Variants in PDGFC observed in about 807,000 individuals in gnomAD.
PDGFC encodes the protein platelet-derived growth factor C.
A neutral mutation model predicts 35.5 loss-of-function variants in PDGFC; 12 were observed. The ratio of observed to expected loss-of-function variants is 0.34; its 90% CI spans 0.22 to 0.55. The LOEUF (loss-of-function observed/expected upper bound fraction) is 0.55, where lower values mean the gene tolerates loss of function less well. Ranked by LOEUF, PDGFC falls within the 20% of genes least tolerant of loss-of-function variation. PDGFC has a pLI of 0.91. For synonymous variants in PDGFC, 159 were observed against 148.8 expected (o/e 1.07, Z -0.50); for missense variants, 322 against 412.4 (o/e 0.78, Z 1.90).
chr4:156,881,941 G>A (rs1730253980), intron 1 of PDGFC, among the ~76,000 whole-genome samples: 1 of 151,750 alleles, frequency 6.6e-6, no homozygotes, highest in African/African-American at 2.4e-5. Flanking sequence ...ATGATAGTGA[G>A]GCCTCCCCAG....
chr4:156,948,551 T>C (rs1732002204), intron 1 of PDGFC, among the ~76,000 whole-genome samples: 1 of 152,014 alleles, frequency 6.6e-6, no homozygotes, highest in South Asian at 2.1e-4. Context: ...ATGCTATTTG[T>C]ATTTGCCTTC....
At chr4:156,815,323 T>TACACACACAC (rs3042796) in intron 2 of PDGFC, among the ~76,000 whole-genome samples, 2 of 145,098 alleles carry the variant, frequency 1.4e-5, no homozygotes, top group South Asian at 2.2e-4. Flanking sequence ...AATAATTTTT[T>TACACACACAC]ACACACACAC....
At chr4:156,933,408 G>A (rs574959677) in intron 1 of PDGFC, among the ~76,000 whole-genome samples, 2 of 152,312 alleles carry the variant, frequency 1.3e-5, no homozygotes, top group East Asian at 3.9e-4. Context: ...AAAACTTTAA[G>A]TCACCCAAGA....
In PDGFC at chr4:156,897,563, T is replaced by C. The variant is rs116739354; in HGVS notation, c.119-47147A>G. ...GGACAGAGGCTGATGCAAAATTATA[T>C]ATATTTTTTTCTACATTAAAAATGA... is the stretch of plus-strand genomic sequence containing the variant. On this transcript the variant is annotated intron_variant, in intron 1 of 5. Coordinates refer to ENST00000502773, the MANE Select transcript of PDGFC (RefSeq NM_016205.3). Among the ~76,000 whole-genome samples the C allele has an allele frequency of 6.7e-3, 1,023 of 152,286 alleles. 5 individuals carry two copies. The highest frequency in any genetic ancestry group is 0.01 in the Middle Eastern group (3 of 294).
In PDGFC at chr4:156,760,912, T is replaced by C. The variant is rs1486527619; in HGVS notation, c.*2178A>G. 1.3e-5 allele frequency: 2 copies of C among 152,186 alleles called. No homozygotes were observed. Among genetic ancestry groups the C allele is most frequent in the African/African-American group, 2.4e-5 (1 of 41,444 alleles). 9.4% of individuals were successfully genotyped at this position (152,186 alleles called of 1,614,324 possible). On this transcript the variant is annotated 3_prime_UTR_variant, in exon 6 of 6. Transcript: ENST00000502773. ...CTAATGAAAGTTGTAAACTGCCAACTACTTACTACGTTGCATATTCCATAT... is the reference window on the plus strand; with the variant it reads ...CTAATGAAAGTTGTAAACTGCCAACCACTTACTACGTTGCATATTCCATAT...
chr4:156,884,105 G>T (rs2111177821), intron 1 of PDGFC, among the ~76,000 whole-genome samples: 1 of 152,314 alleles, frequency 6.6e-6, no homozygotes, highest in African/African-American at 2.4e-5. Context: ...ATGCCTCCAA[G>T]AAGGAAAGCT....
At chr4:156,962,590 A>G (rs1732368190) in intron 1 of PDGFC, among the ~76,000 whole-genome samples, 1 of 152,180 alleles carries the variant, frequency 6.6e-6, no homozygotes, top group Non-Finnish European at 1.5e-5. Context: ...CTTAGCAAAG[A>G]GCAGATGCTC....
intron 2 of PDGFC, among the ~76,000 whole-genome samples, chr4:156,837,714 G>T (rs1253866916): frequency 6.6e-6 from 1 of 152,138 alleles, no homozygotes; most frequent in East Asian, 1.9e-4. Flanking sequence ...GCTAGAGAAA[G>T]AAAGCTAGAG....
intron 1 of PDGFC, among the ~76,000 whole-genome samples, chr4:156,925,803 C>T (rs1353734493): frequency 6.6e-6 from 1 of 150,512 alleles, no homozygotes; most frequent in African/African-American, 2.4e-5. Flanking sequence ...GTAACTCCAA[C>T]GCTTTGGGAG....
chr4:156,912,098 C>A (rs1731053142), intron 1 of PDGFC, among the ~76,000 whole-genome samples: 1 of 152,080 alleles, frequency 6.6e-6, no homozygotes. Context: ...TAGTTTAGAA[C>A]TTACACGATG....
chr4:156,963,172 A>G (rs532137029), intron 1 of PDGFC, among the ~76,000 whole-genome samples: 1 of 152,246 alleles, frequency 6.6e-6, no homozygotes, highest in East Asian at 1.9e-4. Context: ...CTACTAGTCT[A>G]AAGAAAAAAA....
chr4:156,886,416 C>G (rs1730377450), intron 1 of PDGFC, among the ~76,000 whole-genome samples: 1 of 152,180 alleles, frequency 6.6e-6, no homozygotes, highest in Admixed American at 6.5e-5. Flanking sequence ...TATTTTTTAA[C>G]TGTGTGCTTA....
At chr4:156,814,428 A>G (rs1269798101) in intron 2 of PDGFC, among the ~76,000 whole-genome samples, 1 of 152,156 alleles carries the variant, frequency 6.6e-6, no homozygotes, top group Non-Finnish European at 1.5e-5. Context: ...CACCTGAAGC[A>G]GGAGTGGTCA....
chr4:156,971,690 A>G lies in PDGFC; in HGVS notation c.-787T>C, dbSNP rs1014333974. Among the ~76,000 whole-genome samples, 1 of 151,820 alleles carries G rather than the reference A, an allele frequency of 6.6e-6. No homozygotes were observed. Among genetic ancestry groups the G allele is most frequent in the African/African-American group, 2.4e-5 (1 of 41,392 alleles). ...CCCCCGCTCCTCAAAGCCTGGGGCA[A>G]TTCGGCCGCTCGGGGTCACCGCGGG... On this transcript the variant is annotated 5_prime_UTR_variant, in exon 1 of 6. Coordinates refer to ENST00000502773, the MANE Select transcript of PDGFC (RefSeq NM_016205.3).
At chr4:156,947,751 T>C (rs1314493367) in intron 1 of PDGFC, among the ~76,000 whole-genome samples, 3 of 151,974 alleles carry the variant, frequency 2.0e-5, no homozygotes, top group African/African-American at 7.2e-5. Flanking sequence ...GCAGTGTTTC[T>C]TCCAAAAACT....
At chr4:156,888,728 C>G (rs556557558) in intron 1 of PDGFC, among the ~76,000 whole-genome samples, 78 of 152,254 alleles carry the variant, frequency 5.1e-4, no homozygotes, top group Admixed American at 2.6e-3. Flanking sequence ...TGCCCCTACC[C>G]AAACAATCTT....
rs1732601805 is a variant in PDGFC at position 156,971,780 on chromosome 4, G to A, written c.-877C>T. Among the ~76,000 whole-genome samples the A allele has an allele frequency of 6.6e-6, 1 of 151,870 alleles. No individual in the cohort carries two copies. Among genetic ancestry groups the A allele is most frequent in the African/African-American group, 2.4e-5 (1 of 41,390 alleles). On this transcript the variant is annotated 5_prime_UTR_variant, in exon 1 of 6. Coordinates refer to ENST00000502773, the MANE Select transcript of PDGFC (RefSeq NM_016205.3). ...CTCCGCGCTAACCTCGGGGCTACGC[G>A]CGGCGTCTCCGCACGGGGTGAAGAG... is the stretch of plus-strand genomic sequence containing the variant.
chr4:156,828,799 G>C (rs1455782003), intron 2 of PDGFC, among the ~76,000 whole-genome samples: 1 of 151,954 alleles, frequency 6.6e-6, no homozygotes, highest in Non-Finnish European at 1.5e-5. Context: ...GAATATTCAT[G>C]ACCAATCAAT....
chr4:156,820,442 T>A (rs1324236239), intron 2 of PDGFC, among the ~76,000 whole-genome samples: 1 of 152,148 alleles, frequency 6.6e-6, no homozygotes, highest in East Asian at 1.9e-4. Context: ...GCCACCACAT[T>A]GAGGCAGGAT....
Sources: allele counts gnomAD v4.1 joint callset (sites outside exome capture counted in the v4.1 genomes callset), GRCh38; gene constraint gnomAD v4.1.1; transcripts MANE v1.5; gene names NCBI Gene and HGNC (gene_info 2026-07-23, HGNC 2026-07-21).